The following DOCK2 variants were observed in gnomAD, a reference collection of about 807,000 sequenced individuals.
The protein encoded by DOCK2 is dedicator of cytokinesis protein 2.
DOCK2 carries 87 observed loss-of-function variants against 248.9 expected under a neutral mutation model. That is an observed-to-expected ratio of 0.35 (90% CI 0.29 to 0.42). The LOEUF (loss-of-function observed/expected upper bound fraction) is 0.42. DOCK2 is among the 10% of genes least tolerant of loss of function. The pLI is 1.00. For synonymous variants in DOCK2, 805 were observed against 821.6 expected, an observed-to-expected ratio of 0.98 and a Z score of 0.35; for missense variants, 1,747 against 2,300.2, an observed-to-expected ratio of 0.76 and a Z score of 4.92.
At chr5:170,031,791 T>C (rs1756144146) in intron 34 of DOCK2, among the ~76,000 whole-genome samples, 1 of 152,196 alleles carries the variant, frequency 6.6e-6, no homozygotes, top group Non-Finnish European at 1.5e-5. Context: ...AGCACCTTTC[T>C]TGCTCCATGC....
chr5:169,978,394 G>T (rs112448050), intron 27 of DOCK2, among the ~76,000 whole-genome samples: 124 of 99,362 alleles, frequency 1.2e-3, no homozygotes, highest in South Asian at 5.9e-3. Context: ...TGTGTGTGTG[G>T]GGGGGGGGGG....
At chr5:169,931,653 G>T (rs1404903861) in intron 27 of DOCK2, among the ~76,000 whole-genome samples, 1 of 152,180 alleles carries the variant, frequency 6.6e-6, no homozygotes, top group Non-Finnish European at 1.5e-5. Flanking sequence ...GTGAAACTGG[G>T]CTAATGCTGC....
intron 25 of DOCK2, among the ~76,000 whole-genome samples, chr5:169,769,864 GACTGTCTAT>G (rs1443788479): frequency 1.3e-5 from 2 of 152,190 alleles, no homozygotes; most frequent in Non-Finnish European, 2.9e-5. Context: ...CTGTTTATGG[GACTGTCTAT>G]ACTGATGGAA....
At chr5:170,051,292 C>T (rs1756906004) in intron 41 of DOCK2, among the ~76,000 whole-genome samples, 1 of 152,220 alleles carries the variant, frequency 6.6e-6, no homozygotes. Flanking sequence ...TGATCTGACC[C>T]CTGCCTGCCT....
intron 36 of DOCK2, 146 bp from the exon 37 acceptor site, chr5:170,040,909 C>A (rs1756492374): frequency 3.3e-6 from 2 of 611,332 alleles, no homozygotes; most frequent in East Asian, 5.4e-5. Flanking sequence ...CTGTCATTAC[C>A]CACACAAAGT....
chr5:169,664,755 T>C (rs1331317134), intron 2 of DOCK2, among the ~76,000 whole-genome samples: 1 of 152,068 alleles, frequency 6.6e-6, no homozygotes, highest in Non-Finnish European at 1.5e-5. Flanking sequence ...TCCAATCACC[T>C]CCGACCAGGT....
chr5:169,670,986 C>T lies in DOCK2; in HGVS notation c.225-92C>T, dbSNP rs1013120059. 3.6e-5 allele frequency: 37 copies of T among 1,040,232 alleles called. 1 individual carries two copies. Among genetic ancestry groups the T allele is most frequent in the South Asian group, 2.7e-4 (19 of 69,140 alleles). The allele number at this position is 1,040,232 out of a possible 1,614,324, so 64.4% of individuals were successfully genotyped here. A position where few individuals can be genotyped will look rare whatever the true frequency, so the allele number is the denominator to read the frequency against. On this transcript the variant is annotated intron_variant, in intron 4 of 51. Coordinates refer to ENST00000520908, the MANE Select transcript of DOCK2 (RefSeq NM_004946.3). Reference sequence around the variant, plus strand: ...TAGTCTAATGTCAGGAAGGCCCCTCCGCAGCTGCAGCTTAATGCAAATTTG... The same window carrying T: ...TAGTCTAATGTCAGGAAGGCCCCTCTGCAGCTGCAGCTTAATGCAAATTTG...
At chr5:169,831,834 T>C (rs925036274) in intron 26 of DOCK2, among the ~76,000 whole-genome samples, 9 of 152,174 alleles carry the variant, frequency 5.9e-5, no homozygotes, top group African/African-American at 1.2e-4. Context: ...ATGAAGAAAC[T>C]TGAGGCTCAG....
Position 169,764,561 on chromosome 5 carries a change from A to C in DOCK2, c.2554+2936A>C, listed in dbSNP as rs1057280028. Among the ~76,000 whole-genome samples, 10 of 152,218 alleles carry C rather than the reference A, an allele frequency of 6.6e-5. No individual in the cohort carries two copies. The highest frequency in any genetic ancestry group is 2.4e-4 in the African/African-American group (10 of 41,460). ...GTCTTAGAGGGTGATAGTGTGGGCT[A>C]ATGAGATGGATGATGCATTTAAAGT... On this transcript the variant is annotated intron_variant, in intron 25 of 51. Transcript: ENST00000520908. This position sits in a 1 kb window ranked among gnomAD's most constrained non-coding sequence, Gnocchi z 4.3.
At chr5:169,806,223 T>A (rs1021509540) in intron 26 of DOCK2, among the ~76,000 whole-genome samples, 1 of 150,766 alleles carries the variant, frequency 6.6e-6, no homozygotes, top group African/African-American at 2.4e-5. Context: ...TCGAGAGTTT[T>A]TTTTTTTTTT....
chr5:169,744,088 A>T (rs902017620), intron 22 of DOCK2, among the ~76,000 whole-genome samples: 17 of 152,006 alleles, frequency 1.1e-4, no homozygotes, highest in Non-Finnish European at 1.9e-4. Context: ...AGCAGATTGG[A>T]TTCCCACTGG....
At chr5:169,754,893 A>T (rs6872327) in intron 23 of DOCK2, among the ~76,000 whole-genome samples, 20,126 of 148,210 alleles carry the variant, frequency 0.14, 1,749 homozygotes, top group African/African-American at 0.26. Context: ...GCATGTAAAC[A>T]GTTTCCAATA....
Position 170,034,539 on chromosome 5 carries a change from G to A in DOCK2, c.3608G>A (p.Cys1203Tyr). ...GAGAGCAAAGACAACCGCATGAGCT[G>A]CACCGTGAACCTGCTGGTGCGTGGG... ...TDESKDNRMSCTVNLLNFYKD... is the reference protein window; with the variant it reads ...TDESKDNRMSYTVNLLNFYKD... Residue 1203 changes from cysteine to tyrosine, a missense_variant, in exon 35 of 52, where the codon TGC becomes TAC. Physicochemically the swap from Cys to Tyr is radical, Grantham distance 194. Coordinates refer to ENST00000520908, the MANE Select transcript of DOCK2 (RefSeq NM_004946.3). 6.2e-7 allele frequency: 1 copy of A among 1,614,130 alleles called. No individual in the cohort carries two copies. The highest frequency in any genetic ancestry group is 8.5e-7 in the Non-Finnish European group (1 of 1,179,994).
intron 28 of DOCK2, among the ~76,000 whole-genome samples, chr5:169,983,479 C>T (rs1287830923): frequency 2.0e-5 from 3 of 152,054 alleles, no homozygotes; most frequent in African/African-American, 4.8e-5. Flanking sequence ...AGGGGTTGCA[C>T]GAGAACACAA....
chr5:169,881,549 C>T, intron 27 of DOCK2: 3 of 815,686 alleles, frequency 3.7e-6, no homozygotes, highest in Non-Finnish European at 6.2e-6. Flanking sequence ...ATTCACGGTG[C>T]TCTGAAGTTG....
chr5:169,974,931 C>A (rs541102268), intron 27 of DOCK2, among the ~76,000 whole-genome samples: 1 of 152,088 alleles, frequency 6.6e-6, no homozygotes, highest in East Asian at 1.9e-4. Context: ...TGAATGATAA[C>A]CCCTCTCCTG....
intron 30 of DOCK2, among the ~76,000 whole-genome samples, chr5:169,998,476 G>A (rs188634332): frequency 5.3e-5 from 8 of 152,202 alleles, no homozygotes; most frequent in East Asian, 1.9e-4. Context: ...AATAAAATGC[G>A]TAGCTGCCAT....
chr5:169,734,299 T>A (rs1477158479), intron 22 of DOCK2, among the ~76,000 whole-genome samples: 1 of 152,186 alleles, frequency 6.6e-6, no homozygotes, highest in African/African-American at 2.4e-5. Flanking sequence ...CTTTTTAATG[T>A]TTTGAAGCAT....
At chr5:169,738,246 G>C (rs1409163237) in intron 22 of DOCK2, among the ~76,000 whole-genome samples, 4 of 152,152 alleles carry the variant, frequency 2.6e-5, no homozygotes, top group African/African-American at 9.7e-5. Context: ...ACAGGAAAAT[G>C]CTATGATCGC....
Sources: allele counts gnomAD v4.1 joint callset (sites outside exome capture counted in the v4.1 genomes callset), GRCh38; gene constraint gnomAD v4.1.1; non-coding constraint Gnocchi (gnomAD v3.1); transcripts MANE v1.5; gene names NCBI Gene and HGNC (gene_info 2026-07-23, HGNC 2026-07-21).